Variants in COL26A1 observed in about 807,000 individuals in gnomAD.
COL26A1 encodes the protein collagen alpha-1(XXVI) chain.
COL26A1 carries 41 observed loss-of-function variants against 59.3 expected under a neutral mutation model. The observed-to-expected ratio is 0.69, with a 90% CI of 0.54 to 0.90. COL26A1 has a LOEUF of 0.90. COL26A1 is among the 40% of genes least tolerant of loss of function. The pLI, the probability that COL26A1 is intolerant of heterozygous loss-of-function variation, is 0.00. For synonymous variants in COL26A1, 266 were observed against 256.0 expected, an observed-to-expected ratio of 1.04 and a Z score of -0.37; for missense variants, 612 against 602.3, an observed-to-expected ratio of 1.02 and a Z score of -0.17.
intron 3 of COL26A1, among the ~76,000 whole-genome samples, chr7:101,505,286 AGT>A (rs1167771815): frequency 2.2e-4 from 33 of 150,836 alleles, no homozygotes; most frequent in African/African-American, 7.6e-4. Flanking sequence ...AATGTGTATG[AGT>A]GTGTTGTGTG....
intron 2 of COL26A1, among the ~76,000 whole-genome samples, chr7:101,446,540 CA>C (rs1348579641): frequency 1.3e-5 from 2 of 152,104 alleles, no homozygotes; most frequent in East Asian, 3.9e-4. Flanking sequence ...TTTATCAAGA[CA>C]GGGGAATTGC....
chr7:101,548,907 G>T (rs987755802), intron 8 of COL26A1, among the ~76,000 whole-genome samples: 1 of 152,164 alleles, frequency 6.6e-6, no homozygotes, highest in African/African-American at 2.4e-5. Flanking sequence ...TCCCTTGCCT[G>T]CCGGGTCTCG....
chr7:101,469,430 G>A (rs545273423), intron 3 of COL26A1, among the ~76,000 whole-genome samples: 11 of 152,074 alleles, frequency 7.2e-5, no homozygotes, highest in Middle Eastern at 3.4e-3. Flanking sequence ...GTCAGATGCC[G>A]GCCATAAACG....
At chr7:101,544,376 C>A (rs1253129739) in intron 6 of COL26A1, among the ~76,000 whole-genome samples, 2 of 151,628 alleles carry the variant, frequency 1.3e-5, no homozygotes, top group Admixed American at 6.6e-5. Flanking sequence ...TACAGGCATG[C>A]GCCACCACAC....
intron 1 of COL26A1, among the ~76,000 whole-genome samples, chr7:101,410,905 T>G (rs1584383689): frequency 6.6e-6 from 1 of 152,310 alleles, no homozygotes; most frequent in Non-Finnish European, 1.5e-5. Flanking sequence ...GGGGTCTTGC[T>G]ACGTTGCCCA....
intron 1 of COL26A1, among the ~76,000 whole-genome samples, chr7:101,402,531 CTTTCT>C (rs928855165): frequency 6.6e-6 from 1 of 151,900 alleles, no homozygotes; most frequent in South Asian, 2.1e-4. Context: ...TCTATTTTCT[CTTTCT>C]TTTCTTCTTT....
intron 3 of COL26A1, among the ~76,000 whole-genome samples, chr7:101,524,735 G>T (rs895661885): frequency 6.6e-6 from 1 of 151,956 alleles, no homozygotes; most frequent in Non-Finnish European, 1.5e-5. Flanking sequence ...TTTGCTTGTC[G>T]TAGGTAGGAA....
chr7:101,403,865 G>A (rs1187377987), intron 1 of COL26A1, among the ~76,000 whole-genome samples: 4 of 152,144 alleles, frequency 2.6e-5, no homozygotes, highest in Non-Finnish European at 5.9e-5. Flanking sequence ...GGAAGCCTAG[G>A]CGGGCAGGTC....
chr7:101,414,270 A>G (rs1792317649), intron 1 of COL26A1, among the ~76,000 whole-genome samples: 1 of 152,032 alleles, frequency 6.6e-6, no homozygotes, highest in African/African-American at 2.4e-5. Flanking sequence ...TCATTTCTCT[A>G]TGGAAAGCCC....
intron 2 of COL26A1, among the ~76,000 whole-genome samples, chr7:101,420,898 T>C (rs1320558954): frequency 6.6e-6 from 1 of 152,000 alleles, no homozygotes; most frequent in Non-Finnish European, 1.5e-5. Flanking sequence ...ACTCTCCTTC[T>C]TTTCCCTTCT....
intron 1 of COL26A1, among the ~76,000 whole-genome samples, chr7:101,369,972 C>T (rs1195168507): frequency 6.6e-6 from 1 of 152,078 alleles, no homozygotes; most frequent in Non-Finnish European, 1.5e-5. Context: ...AAGCGATTCT[C>T]CTGCTTCAGC....
chr7:101,492,719 T>C, intron 3 of COL26A1, among the ~76,000 whole-genome samples: 1 of 99,760 alleles, frequency 1.0e-5, no homozygotes, highest in East Asian at 2.3e-4. Flanking sequence ...AATAAATAAA[T>C]AAATAAATAA....
chr7:101,457,894 C>CTTTTT (rs747999760), intron 3 of COL26A1, among the ~76,000 whole-genome samples: 1 of 113,698 alleles, frequency 8.8e-6, no homozygotes. Flanking sequence ...TATAGCTTAA[C>CTTTTT]TTTTTTTTTT....
chr7:101,493,116 C>G (rs1794502348), intron 3 of COL26A1, among the ~76,000 whole-genome samples: 1 of 152,178 alleles, frequency 6.6e-6, no homozygotes, highest in Admixed American at 6.6e-5. Context: ...TTACTTTATT[C>G]AGGGACATTC....
chr7:101,437,399 G>A (rs1016710949), intron 2 of COL26A1, among the ~76,000 whole-genome samples: 1 of 150,546 alleles, frequency 6.6e-6, no homozygotes, highest in Non-Finnish European at 1.5e-5. Flanking sequence ...AATGGGGGGC[G>A]GAGTTCCGAA....
rs182610877 is a variant in COL26A1, at chr7:101,382,766, C to T, written c.158+19576C>T. On this transcript the variant is annotated intron_variant, in intron 1 of 12. Coordinates refer to ENST00000313669, the MANE Select transcript of COL26A1 (RefSeq NM_001278563.3). ...GAGTCATAGGATTACAGGTTTATGG[C>T]CAAGCTTGGTGGCTCACACCTGTAA... Among the ~76,000 whole-genome samples the T allele has an allele frequency of 2.0e-5, 3 of 152,080 alleles. No individual in the cohort carries two copies. In the East Asian group the frequency reaches 5.8e-4, roughly 29 times the overall value.
chr7:101,426,870 T>G (rs542611613), intron 2 of COL26A1, among the ~76,000 whole-genome samples: 3 of 152,294 alleles, frequency 2.0e-5, no homozygotes, highest in Admixed American at 6.5e-5. Flanking sequence ...TAGGCATGCC[T>G]TGATCTTGCA....
chr7:101,526,129 A>G (rs1304554687), intron 3 of COL26A1, among the ~76,000 whole-genome samples: 45 of 150,590 alleles, frequency 3.0e-4, no homozygotes, highest in Non-Finnish European at 1.5e-5. Context: ...GCTCACTGCA[A>G]CCTCCGCCTC....
chr7:101,468,880 T>C (rs1793828172), intron 3 of COL26A1, among the ~76,000 whole-genome samples: 1 of 152,142 alleles, frequency 6.6e-6, no homozygotes, highest in African/African-American at 2.4e-5. Flanking sequence ...GACCTGGCAG[T>C]TCCCAGGCCT....
Sources: gnomAD v4.1 joint callset for allele counts (sites outside exome capture counted in the v4.1 genomes callset) on GRCh38, gnomAD v4.1.1 for gene constraint, MANE v1.5 for transcripts, NCBI Gene and HGNC (gene_info 2026-07-23, HGNC 2026-07-21) for gene names.